The following THSD4 variants were observed in gnomAD, a reference collection of about 807,000 sequenced individuals.
The protein encoded by THSD4 is thrombospondin type 1 domain containing 4, also known as thrombospondin type-1 domain-containing protein 4.
Under a neutral mutation model 119.0 loss-of-function variants are expected in THSD4, and 69 were observed. The ratio of observed to expected loss-of-function variants is 0.58; its 90% CI spans 0.48 to 0.71. The LOEUF (loss-of-function observed/expected upper bound fraction) is 0.71, where lower values mean the gene tolerates loss of function less well. Among genes scored for constraint, THSD4 ranks in the 30% least tolerant of loss-of-function variants. The probability of loss-of-function intolerance (pLI) is 0.00; values close to 1 mark genes in which losing one functional copy is unlikely to be tolerated. For synonymous variants in THSD4, 524 were observed against 540.4 expected, an observed-to-expected ratio of 0.97 and a Z score of 0.42; for missense variants, 1,393 against 1,391.1, an observed-to-expected ratio of 1.00 and a Z score of -0.02.
intron 6 of THSD4, among the ~76,000 whole-genome samples, chr15:71,280,116 G>A (rs2044634794): frequency 1.3e-5 from 2 of 152,232 alleles, no homozygotes; most frequent in Admixed American, 1.3e-4. Context: ...GTGTGCAGAT[G>A]TAGGGGAAGG....
intron 7 of THSD4, among the ~76,000 whole-genome samples, chr15:71,589,642 G>A (rs1449279516): frequency 7.2e-6 from 1 of 139,644 alleles, no homozygotes; most frequent in Non-Finnish European, 1.6e-5. Flanking sequence ...ACAGGCATGA[G>A]CCACTACACT....
chr15:71,768,780 T>C, intron 16 of THSD4, among the ~76,000 whole-genome samples: 1 of 150,436 alleles, frequency 6.6e-6, no homozygotes, highest in Non-Finnish European at 1.5e-5. Context: ...TTAGCCAGGA[T>C]GGTCTCGATC....
intron 3 of THSD4, among the ~76,000 whole-genome samples, chr15:71,160,182 G>A (rs1301663867): frequency 6.6e-6 from 1 of 151,424 alleles, no homozygotes; most frequent in Non-Finnish European, 1.5e-5. Flanking sequence ...CTTGATATTA[G>A]TGAATAATAT....
chr15:71,265,867 C>G lies in THSD4; in HGVS notation c.1015+9152C>G, dbSNP rs558588188. 7.2e-5 allele frequency among the ~76,000 whole-genome samples: 11 copies of G among 152,288 alleles called. No individual in the cohort carries two copies. The South Asian group carries it at 1.0e-3, about 14-fold the overall frequency. Reference sequence around the variant, plus strand: ...GAAGTTCAAACTCGGCAGAGCCCACCGCAGCTCGGGAAAGTCACTGTAACC... The same window carrying G: ...GAAGTTCAAACTCGGCAGAGCCCACGGCAGCTCGGGAAAGTCACTGTAACC... On this transcript the variant is annotated intron_variant, in intron 6 of 17. Coordinates refer to ENST00000261862, the MANE Select transcript of THSD4 (RefSeq NM_024817.3).
rs1446894501 is a variant in THSD4, at chr15:71,353,942, T to C, written c.1016-57745T>C. Among the ~76,000 whole-genome samples, 4 of 152,108 alleles carry C rather than the reference T, an allele frequency of 2.6e-5. No individual in the cohort carries two copies. The East Asian group carries it at 5.8e-4, about 22-fold the overall frequency. On this transcript the variant is annotated intron_variant, in intron 6 of 17. Coordinates refer to ENST00000261862, the MANE Select transcript of THSD4 (RefSeq NM_024817.3). ...GAGAGGAGATGAGATTGCCAGGTGA[T>C]TGAGGAAGGAAGACACTGAAGATAG...
chr15:71,448,753 C>T (rs539520776), intron 7 of THSD4, among the ~76,000 whole-genome samples: 1 of 152,256 alleles, frequency 6.6e-6, no homozygotes, highest in African/African-American at 2.4e-5. Context: ...ATGATTTGTC[C>T]ACTGTGGCTG....
At chr15:71,251,933 A>G (rs1403850808) in intron 5 of THSD4, among the ~76,000 whole-genome samples, 1 of 152,220 alleles carries the variant, frequency 6.6e-6, no homozygotes, top group African/African-American at 2.4e-5. Flanking sequence ...ATATTGCTTT[A>G]TAAGGATTCA....
At chr15:71,341,667 T>G (rs751120395) in intron 6 of THSD4, 1 of 1,509,134 alleles carries the variant, frequency 6.6e-7, no homozygotes, top group Non-Finnish European at 9.2e-7. Flanking sequence ...CCTCTTGATT[T>G]GCCTGATTTC....
chr15:71,579,296 A>T lies in THSD4; in HGVS notation c.1153-81234A>T, dbSNP rs545181015. Among the ~76,000 whole-genome samples, 5 of 152,220 alleles carry T rather than the reference A, an allele frequency of 3.3e-5. No individual in the cohort carries two copies. The East Asian group carries it at 9.7e-4, about 29-fold the overall frequency. The stretch of plus-strand genomic sequence containing the variant: ...TCATGGTTGTACAGTAGCTATTGTT[A>T]ACTTGCTTGAGGCCAGCTGTGTGTG... On this transcript the variant is annotated intron_variant, in intron 7 of 17. Transcript: ENST00000261862.
intron 7 of THSD4, among the ~76,000 whole-genome samples, chr15:71,510,810 A>G (rs1056494295): frequency 6.6e-6 from 1 of 152,180 alleles, no homozygotes; most frequent in Non-Finnish European, 1.5e-5. Flanking sequence ...TAAAAGTCTC[A>G]TTATTTACCT....
chr15:71,284,740 T>G (rs1035254612), intron 6 of THSD4, among the ~76,000 whole-genome samples: 1 of 152,212 alleles, frequency 6.6e-6, no homozygotes, highest in Non-Finnish European at 1.5e-5. Flanking sequence ...AGAAAAAAGT[T>G]TCCTAAATAA....
intron 6 of THSD4, among the ~76,000 whole-genome samples, chr15:71,299,976 A>AAAAATATATATATATATATATAT (rs1555462049): frequency 4.1e-5 from 2 of 48,306 alleles, no homozygotes; most frequent in African/African-American, 1.5e-4. Flanking sequence ...AAAAAAAAAA[A>AAAAATATATATATATATATATAT]ATATATATAT....
intron 6 of THSD4, among the ~76,000 whole-genome samples, chr15:71,262,793 A>G (rs979103065): frequency 6.6e-6 from 1 of 152,138 alleles, no homozygotes; most frequent in Admixed American, 6.5e-5. Context: ...ATGACTTAAC[A>G]TGACAAAAGC....
At chr15:71,166,460 G>A (rs572969257) in intron 3 of THSD4, among the ~76,000 whole-genome samples, 1 of 152,322 alleles carries the variant, frequency 6.6e-6, no homozygotes, top group African/African-American at 2.4e-5. Flanking sequence ...TGTCCACACT[G>A]GTTTCTGGTC....
At chr15:71,740,954 C>T (rs1362384148) in intron 11 of THSD4, among the ~76,000 whole-genome samples, 1 of 152,168 alleles carries the variant, frequency 6.6e-6, no homozygotes, top group Non-Finnish European at 1.5e-5. Context: ...TTGGCTGTCT[C>T]CATGAATATA....
intron 7 of THSD4, among the ~76,000 whole-genome samples, chr15:71,480,404 TA>T (rs1369863451): frequency 6.6e-6 from 1 of 152,246 alleles, no homozygotes; most frequent in Non-Finnish European, 1.5e-5. Flanking sequence ...TCATTAATAA[TA>T]ATGACGGTTT....
chr15:71,599,231 G>A (rs1364744787), intron 7 of THSD4, among the ~76,000 whole-genome samples: 1 of 152,164 alleles, frequency 6.6e-6, no homozygotes, highest in East Asian at 1.9e-4. Context: ...CTAGCATGGT[G>A]TAATGCTGGT....
chr15:71,286,175 A>G (rs886802751), intron 6 of THSD4, among the ~76,000 whole-genome samples: 8 of 152,126 alleles, frequency 5.3e-5, no homozygotes, highest in African/African-American at 1.7e-4. Flanking sequence ...TTAAGTTCAG[A>G]GATACATGTG....
intron 7 of THSD4, among the ~76,000 whole-genome samples, chr15:71,413,859 T>C (rs1248569480): frequency 1.3e-5 from 2 of 152,220 alleles, no homozygotes; most frequent in African/African-American, 4.8e-5. Flanking sequence ...AGAAAATACT[T>C]AAGGGCATTC....
Sources: gnomAD v4.1 joint callset for allele counts (sites outside exome capture counted in the v4.1 genomes callset) on GRCh38, gnomAD v4.1.1 for gene constraint, MANE v1.5 for transcripts, NCBI Gene and HGNC (gene_info 2026-07-23, HGNC 2026-07-21) for gene names.